CLASP1: variants seen among roughly 807,000 people sequenced by gnomAD.
CLASP1 encodes CLIP-associating protein 1.
CLASP1 carries 38 observed loss-of-function variants against 192.3 expected under a neutral mutation model. That is an observed-to-expected ratio of 0.20 (90% CI 0.15 to 0.26). CLASP1 has a LOEUF of 0.26. Ranked by LOEUF, CLASP1 falls within the 10% of genes least tolerant of loss-of-function variation. CLASP1 has a pLI of 1.00. For missense variants in CLASP1, 1,433 were observed against 1,932.5 expected, an observed-to-expected ratio of 0.74 and a Z score of 4.85; for synonymous variants, 691 against 712.8, an observed-to-expected ratio of 0.97 and a Z score of 0.49.
intron 8 of CLASP1, among the ~76,000 whole-genome samples, chr2:121,500,642 T>C (rs1397125661): frequency 1.3e-5 from 2 of 152,288 alleles, no homozygotes; most frequent in Non-Finnish European, 1.5e-5. Context: ...TTGACAGCAA[T>C]TGAACATTTT....
chr2:121,367,777 C>T (rs1199628373), exon 35 of CLASP1: 17 of 1,613,828 alleles, frequency 1.1e-5, no homozygotes, highest in African/African-American at 1.3e-5. Context: ...CCTTCTACTT[C>T]ACTACCCCCC....
intron 30 of CLASP1, 91 bp downstream of exon 31, chr2:121,397,049 T>G: frequency 7.9e-7 from 1 of 1,270,218 alleles, no homozygotes; most frequent in Non-Finnish European, 1.1e-6. Context: ...GGTTTGTGGG[T>G]GGGTGGCACG....
chr2:121,389,864 AT>A (rs1057246167), intron 30 of CLASP1, among the ~76,000 whole-genome samples: 1 of 152,100 alleles, frequency 6.6e-6, no homozygotes, highest in Non-Finnish European at 1.5e-5. Flanking sequence ...TTAAATATAC[AT>A]TTTTTTATTT....
At chr2:121,512,843 A>C (rs1008276759) in intron 7 of CLASP1, 2 of 152,242 alleles carry the variant, frequency 1.3e-5, no homozygotes, top group African/African-American at 2.4e-5. Context: ...TATTCTTCTC[A>C]ACATACTCTC....
At chr2:121,609,031 ATAAG>A (rs1441314465) in intron 1 of CLASP1, among the ~76,000 whole-genome samples, 2 of 152,234 alleles carry the variant, frequency 1.3e-5, no homozygotes, top group African/African-American at 2.4e-5. Context: ...TAAAGTATAG[ATAAG>A]TAATTTTCCA....
intron 19 of CLASP1, among the ~76,000 whole-genome samples, chr2:121,443,693 G>A (rs577267612): frequency 6.6e-6 from 1 of 152,266 alleles, no homozygotes; most frequent in Admixed American, 6.5e-5. Context: ...AGGCTTATTA[G>A]AAATTCAGAT....
At chr2:121,583,731 A>G (rs1339058409) in intron 2 of CLASP1, among the ~76,000 whole-genome samples, 2 of 152,012 alleles carry the variant, frequency 1.3e-5, no homozygotes, top group African/African-American at 4.8e-5. Flanking sequence ...CTTCACTGCT[A>G]TGGTGTGGAT....
chr2:121,444,562 A>C (rs74623926), intron 19 of CLASP1, among the ~76,000 whole-genome samples: 1,999 of 152,324 alleles, frequency 0.013, 43 homozygotes, highest in African/African-American at 0.046. Context: ...GCACAAAAGG[A>C]AAGAAAAGGA....
intron 2 of CLASP1, among the ~76,000 whole-genome samples, chr2:121,541,146 G>C (rs1425650088): frequency 6.6e-6 from 1 of 152,148 alleles, no homozygotes; most frequent in Admixed American, 6.6e-5. Flanking sequence ...AAATGGAACA[G>C]TTATCTTTCC....
chr2:121,520,734 T>C (rs1415666820), intron 6 of CLASP1, among the ~76,000 whole-genome samples: 1 of 152,192 alleles, frequency 6.6e-6, no homozygotes, highest in Admixed American at 6.5e-5. Flanking sequence ...AGGCTTTTCT[T>C]ATCTAGTCAA....
chr2:121,626,554 T>C (rs1172095015), intron 1 of CLASP1, among the ~76,000 whole-genome samples: 1 of 151,626 alleles, frequency 6.6e-6, no homozygotes, highest in Non-Finnish European at 1.5e-5. Context: ...ACATAGCAAG[T>C]ATGAAACAGA....
intron 2 of CLASP1, among the ~76,000 whole-genome samples, chr2:121,601,596 A>G (rs1428944158): frequency 6.6e-6 from 1 of 152,158 alleles, no homozygotes; most frequent in East Asian, 1.9e-4. Flanking sequence ...GAACTAGAAC[A>G]GTACAAATAT....
At chr2:121,355,677 A>G (rs2065256379) in intron 37 of CLASP1, among the ~76,000 whole-genome samples, 1 of 152,202 alleles carries the variant, frequency 6.6e-6, no homozygotes, top group Admixed American at 6.5e-5. Context: ...CCTGTGTTCT[A>G]TGTAACATAA....
intron 1 of CLASP1, among the ~76,000 whole-genome samples, 182 bp downstream of exon 1, chr2:121,649,190 G>T (rs1005050568): frequency 2.0e-5 from 3 of 151,978 alleles, no homozygotes; most frequent in African/African-American, 4.8e-5. Flanking sequence ...AACAACCCTC[G>T]CATCCCGCTC....
intron 19 of CLASP1, among the ~76,000 whole-genome samples, chr2:121,437,593 C>A (rs1055323150): frequency 2.6e-5 from 4 of 152,204 alleles, no homozygotes; most frequent in Non-Finnish European, 4.4e-5. Context: ...CAGAATCCTG[C>A]ATCAAGATTT....
At position 121,344,131 on chromosome 2, in the gene CLASP1, GA is replaced by G. The variant is rs1017899780; in HGVS notation, c.4530+2906del. ...CCACAATAAAAAGACTGGAGGGGGG[GA>G]AAAAGAAAAGAATGCTTGTTCAAGG... is the stretch of plus-strand genomic sequence containing the variant. On this transcript the variant is annotated intron_variant, in intron 39 of 39. Coordinates refer to ENST00000263710, the Ensembl canonical transcript of CLASP1. Among the ~76,000 whole-genome samples, 7 of 152,008 alleles carry G rather than the reference GA, an allele frequency of 4.6e-5. No individual in the cohort carries two copies. In the East Asian group the frequency reaches 7.8e-4, roughly 17 times the overall value.
At chr2:121,469,538 G>A (rs2090288840) in intron 9 of CLASP1, among the ~76,000 whole-genome samples, 1 of 152,190 alleles carries the variant, frequency 6.6e-6, no homozygotes, top group Non-Finnish European at 1.5e-5. Context: ...TTATCTCTGA[G>A]CTATGCTTTC....
chr2:121,531,066 A>C (rs532539921), intron 2 of CLASP1: 9 of 692,642 alleles, frequency 1.3e-5, no homozygotes, highest in Non-Finnish European at 2.1e-5. Context: ...TAAATAAACT[A>C]GTACTTTGTG....
At position 121,581,260 on chromosome 2, in the gene CLASP1, C is replaced by CTTTTTTTTTTTTTT. The variant is rs60345742; in HGVS notation, c.195+24427_195+24440dup. On this transcript the variant is annotated intron_variant, in intron 2 of 39. Coordinates refer to ENST00000263710, the Ensembl canonical transcript of CLASP1. ...TCTGCCTCCCAAAAGGCCTTTTGTTCTTTTTTTTTTTTTTTTTTTTTTTTT... is the reference window on the plus strand; with the variant it reads ...TCTGCCTCCCAAAAGGCCTTTTGTTCTTTTTTTTTTTTTTTTTTTTTTTTTTTTTTTTTTTTTTT... Among the ~76,000 whole-genome samples the CTTTTTTTTTTTTTT allele has an allele frequency of 1.8e-3, 102 of 57,666 alleles. 11 individuals are homozygous for CTTTTTTTTTTTTTT. The highest frequency in any genetic ancestry group is 6.3e-3 in the African/African-American group (87 of 13,806). 37.8% of individuals were successfully genotyped at this position (57,666 alleles called of 152,430 possible). A position where few individuals can be genotyped will look rare whatever the true frequency, so the allele number is the denominator to read the frequency against.
Sources: gnomAD v4.1 joint callset for allele counts (sites outside exome capture counted in the v4.1 genomes callset) on GRCh38, gnomAD v4.1.1 for gene constraint, MANE v1.5 for transcripts, NCBI Gene and HGNC (gene_info 2026-07-23, HGNC 2026-07-21) for gene names.